The following SMARCA2 variants were observed in gnomAD, a reference collection of about 807,000 sequenced individuals.
SMARCA2 encodes SWI/SNF-related matrix-associated actin-dependent regulator of chromatin subfamily A member 2.
SMARCA2 carries 61 observed loss-of-function variants against 199.8 expected under a neutral mutation model. The ratio of observed to expected loss-of-function variants is 0.31; its 90% CI spans 0.25 to 0.38. The LOEUF (loss-of-function observed/expected upper bound fraction) is 0.38, where lower values mean the gene tolerates loss of function less well. Ranked by LOEUF, SMARCA2 falls within the 10% of genes least tolerant of loss-of-function variation. SMARCA2 has a pLI of 1.00. For missense variants in SMARCA2, 1,344 were observed against 2,012.2 expected (o/e 0.67, Z 6.35); for synonymous variants, 935 against 732.0 (o/e 1.28, Z -4.48).
chr9:2,139,759 G>C (rs1824377858), intron 27 of SMARCA2, among the ~76,000 whole-genome samples: 1 of 152,188 alleles, frequency 6.6e-6, no homozygotes, highest in African/African-American at 2.4e-5. Context: ...GTCTACAGGA[G>C]TAACTGGGGA....
At chr9:2,177,630 A>G (rs916937697) in intron 29 of SMARCA2, among the ~76,000 whole-genome samples, 37 of 151,942 alleles carry the variant, frequency 2.4e-4, no homozygotes, top group African/African-American at 8.7e-4. Context: ...TCAGCTCACC[A>G]CAACCTCCGC....
intron 17 of SMARCA2, 58 bp downstream of exon 17, chr9:2,084,254 G>T: frequency 1.1e-6 from 1 of 885,050 alleles, no homozygotes; most frequent in East Asian, 2.5e-5. Context: ...GGAATGTGAA[G>T]TATTGCCCAA....
chr9:2,100,710 A>G (rs983364026), intron 21 of SMARCA2, among the ~76,000 whole-genome samples: 1 of 152,082 alleles, frequency 6.6e-6, no homozygotes, highest in Non-Finnish European at 1.5e-5. Context: ...CTCAAAAAAA[A>G]AAAAAGAAAA....
chr9:2,182,289 C>T lies in SMARCA2; in HGVS notation c.4461+47C>T, dbSNP rs367818043. 14 of 1,140,018 alleles carry T rather than the reference C, an allele frequency of 1.2e-5. No homozygotes were observed. In the South Asian group the frequency reaches 1.3e-4, roughly 11 times the overall value. The allele number at this position is 1,140,018 out of a possible 1,614,324, so 70.6% of individuals were successfully genotyped here. A position where few individuals can be genotyped will look rare whatever the true frequency, so the allele number is the denominator to read the frequency against. ...AAAAGTTCTTAACTGTAAATGTGCC[C>T]GTTGTTCTTTTTAAGTAGAATATTT... On this transcript the variant is annotated intron_variant, in intron 31 of 33. Transcript: ENST00000349721.
At chr9:2,156,897 C>T (rs1049057826) in intron 27 of SMARCA2, among the ~76,000 whole-genome samples, 4 of 152,176 alleles carry the variant, frequency 2.6e-5, no homozygotes, top group Admixed American at 2.0e-4. Flanking sequence ...CGCTGGTAAC[C>T]ACTGTTCTCT....
intron 9 of SMARCA2, among the ~76,000 whole-genome samples, chr9:2,066,379 C>T (rs564721972): frequency 3.5e-4 from 53 of 152,286 alleles, no homozygotes; most frequent in Non-Finnish European, 6.6e-4. Flanking sequence ...CCTCCTCAGC[C>T]CTGTTGTTGA....
intron 27 of SMARCA2, among the ~76,000 whole-genome samples, chr9:2,157,235 T>C (rs779650116): frequency 6.6e-6 from 1 of 152,214 alleles, no homozygotes; most frequent in Non-Finnish European, 1.5e-5. Flanking sequence ...CTTTTCTTGT[T>C]TGGGGGATCA....
chr9:2,128,852 T>A (rs1823810586), intron 27 of SMARCA2, among the ~76,000 whole-genome samples: 1 of 151,858 alleles, frequency 6.6e-6, no homozygotes, highest in African/African-American at 2.4e-5. Context: ...GAAGGGGGAG[T>A]ATTGCATTTC....
intron 27 of SMARCA2, among the ~76,000 whole-genome samples, chr9:2,150,506 G>C (rs1442482888): frequency 6.6e-6 from 1 of 151,550 alleles, no homozygotes; most frequent in African/African-American, 2.4e-5. Context: ...CTGTGGGTGG[G>C]GCAGTTTCCC....
chr9:2,150,486 G>T (rs1391758504), intron 27 of SMARCA2, among the ~76,000 whole-genome samples: 2 of 151,594 alleles, frequency 1.3e-5, no homozygotes, highest in Non-Finnish European at 3.0e-5. Flanking sequence ...GGCAGCGCAG[G>T]CAGCAGATGC....
chr9:2,057,034 G>C (rs567369704), intron 7 of SMARCA2, among the ~76,000 whole-genome samples, 189 bp downstream of exon 7: 2 of 152,178 alleles, frequency 1.3e-5, no homozygotes, highest in Admixed American at 1.3e-4. Flanking sequence ...AAGCCAGGAC[G>C]TATAAATGAC....
chr9:2,052,009 T>A (rs1323488870), intron 5 of SMARCA2, among the ~76,000 whole-genome samples: 1 of 152,138 alleles, frequency 6.6e-6, no homozygotes, highest in Non-Finnish European at 1.5e-5. Context: ...ACGGTAATAA[T>A]CTCACGAGTA....
chr9:2,173,473 C>A (rs999795031), intron 29 of SMARCA2, among the ~76,000 whole-genome samples: 2 of 152,176 alleles, frequency 1.3e-5, no homozygotes, highest in Admixed American at 1.3e-4. Context: ...AGAGAAATTA[C>A]CATGAAATAG....
rs141242012 is a variant in SMARCA2 at position 2,168,574 on chromosome 9, T to C, written c.4200-1845T>C. On this transcript the variant is annotated intron_variant, in intron 28 of 33. Coordinates refer to ENST00000349721, the MANE Select transcript of SMARCA2 (RefSeq NM_003070.5). ...TTCTTTATTTGAAGTGCGTTAGGTATTTACTGTGTCGAAGGCTTTCCCACA... is the reference window on the plus strand; with the variant it reads ...TTCTTTATTTGAAGTGCGTTAGGTACTTACTGTGTCGAAGGCTTTCCCACA... Among the ~76,000 whole-genome samples, 668 of 152,328 alleles carry C rather than the reference T, an allele frequency of 4.4e-3. 7 individuals are homozygous for C. The highest frequency in any genetic ancestry group is 0.015 in the African/African-American group (634 of 41,564).
At chr9:2,145,215 A>G (rs1824675196) in intron 27 of SMARCA2, among the ~76,000 whole-genome samples, 1 of 151,890 alleles carries the variant, frequency 6.6e-6, no homozygotes, top group Non-Finnish European at 1.5e-5. Context: ...AGGCAAGAGA[A>G]TCATCCAAAC....
chr9:2,083,451 C>T (rs753026965), intron 16 of SMARCA2, 38 bp downstream of exon 16: 12 of 1,301,536 alleles, frequency 9.2e-6, no homozygotes, highest in South Asian at 6.3e-5. Flanking sequence ...TGTGGAAAAG[C>T]AAAAAATAGA....
rs768275412 is a variant in SMARCA2 at position 2,169,432 on chromosome 9, C to G, written c.4200-987C>G. Among the ~76,000 whole-genome samples the G allele has an allele frequency of 6.6e-6, 1 of 152,026 alleles. No homozygotes were observed. Among genetic ancestry groups the G allele is most frequent in the Non-Finnish European group, 1.5e-5 (1 of 67,984 alleles). ...GATCTTCCCAACTTTTTTTTTCCAA[C>G]GCACCCCTCCCAGCTCTCCTTATAT... On this transcript the variant is annotated intron_variant, in intron 28 of 33. Transcript: ENST00000349721. The surrounding 1 kb of genome is among the most constrained non-coding windows in gnomAD (Gnocchi z 6.5).
chr9:2,128,375 G>T lies in SMARCA2; in HGVS notation c.3981+4438G>T, dbSNP rs142019780. 2.2e-3 allele frequency among the ~76,000 whole-genome samples: 331 copies of T among 152,318 alleles called. 3 individuals are homozygous for T. Among genetic ancestry groups the T allele is most frequent in the Non-Finnish European group, 3.7e-3 (252 of 68,026 alleles). On this transcript the variant is annotated intron_variant, in intron 27 of 33. Coordinates refer to ENST00000349721, the MANE Select transcript of SMARCA2 (RefSeq NM_003070.5). ...ACAGGCACTAGTTAGAAGCTGTCCT[G>T]CATTCTCACATCTCATAAGACCCCT...
intron 5 of SMARCA2, among the ~76,000 whole-genome samples, chr9:2,049,633 A>T (rs1246881934): frequency 2.0e-5 from 3 of 152,212 alleles, no homozygotes; most frequent in Non-Finnish European, 1.5e-5. Context: ...CTGGAGAAGA[A>T]GCACAGTTTG....
Sources: allele counts gnomAD v4.1 joint callset (sites outside exome capture counted in the v4.1 genomes callset), GRCh38; gene constraint gnomAD v4.1.1; non-coding constraint Gnocchi (gnomAD v3.1); transcripts MANE v1.5; gene names NCBI Gene and HGNC (gene_info 2026-07-23, HGNC 2026-07-21).